The following ARNT2 variants were observed in gnomAD, a reference collection of about 807,000 sequenced individuals.
ARNT2 encodes the protein aryl hydrocarbon receptor nuclear translocator 2, also known as ARNT protein 2.
ARNT2 carries 36 observed loss-of-function variants against 91.7 expected under a neutral mutation model. The ratio of observed to expected loss-of-function variants is 0.39; its 90% CI spans 0.30 to 0.52. The LOEUF is 0.52. Among genes scored for constraint, ARNT2 ranks in the 20% least tolerant of loss-of-function variants. ARNT2 has a pLI of 0.72. For synonymous variants in ARNT2, 365 were observed against 347.1 expected (o/e 1.05, Z -0.57); for missense variants, 775 against 939.3 (o/e 0.83, Z 2.29).
intron 5 of ARNT2, among the ~76,000 whole-genome samples, chr15:80,486,443 T>C (rs1162463745): frequency 6.6e-6 from 1 of 152,214 alleles, no homozygotes; most frequent in African/African-American, 2.4e-5. Flanking sequence ...CCACTCACTC[T>C]AGTCCTTTAC....
rs564720406 is a variant in ARNT2, at chr15:80,454,088, G to T, written c.146+3094G>T. ...AGCCTTCATCAGTAAGTGTCTTAGC[G>T]AGCTGCCTGCTCTCCCAGCATTTGG... On this transcript the variant is annotated intron_variant, in intron 2 of 18. Transcript: ENST00000303329. Among the ~76,000 whole-genome samples the T allele has an allele frequency of 3.3e-5, 5 of 152,322 alleles. No individual in the cohort carries two copies. The South Asian group carries it at 8.3e-4, about 25-fold the overall frequency.
chr15:80,587,394 C>G (rs1362556766), intron 17 of ARNT2, among the ~76,000 whole-genome samples: 1 of 151,722 alleles, frequency 6.6e-6, no homozygotes, highest in Non-Finnish European at 1.5e-5. Flanking sequence ...TCAAATGTCC[C>G]CCTTGGTTTG....
intron 5 of ARNT2, among the ~76,000 whole-genome samples, chr15:80,486,714 G>A (rs957220504): frequency 2.0e-5 from 3 of 152,196 alleles, no homozygotes; most frequent in African/African-American, 7.2e-5. Context: ...TGCAGAATGT[G>A]CTCATTGTGC....
chr15:80,407,953 A>G (rs1478992947), intron 1 of ARNT2, among the ~76,000 whole-genome samples: 1 of 152,232 alleles, frequency 6.6e-6, no homozygotes, highest in African/African-American at 2.4e-5. Flanking sequence ...ATTAAGCATT[A>G]TGTGGACATT....
At chr15:80,473,007 C>T (rs1896753462) in intron 4 of ARNT2, among the ~76,000 whole-genome samples, 1 of 152,158 alleles carries the variant, frequency 6.6e-6, no homozygotes, top group Non-Finnish European at 1.5e-5. Context: ...CTTTGTTCCT[C>T]TCTCAGCTGC....
At chr15:80,465,878 T>G (rs1311920897) in intron 3 of ARNT2, among the ~76,000 whole-genome samples, 1 of 152,212 alleles carries the variant, frequency 6.6e-6, no homozygotes, top group Non-Finnish European at 1.5e-5. Flanking sequence ...CATCCTCTTC[T>G]GACCTTTTAG....
chr15:80,546,584 A>C (rs148346052), intron 8 of ARNT2, among the ~76,000 whole-genome samples: 9 of 152,236 alleles, frequency 5.9e-5, no homozygotes, highest in African/African-American at 2.2e-4. Flanking sequence ...AGACATTTTC[A>C]GTAGGTAAGT....
intron 8 of ARNT2, among the ~76,000 whole-genome samples, chr15:80,539,999 A>G (rs568653657): frequency 1.6e-4 from 25 of 152,256 alleles, no homozygotes; most frequent in African/African-American, 6.0e-4. Context: ...GAAAACTACA[A>G]ATAGAACTAC....
intron 5 of ARNT2, chr15:80,487,766 A>G (rs1595983516): frequency 2.0e-5 from 3 of 152,354 alleles, no homozygotes; most frequent in Admixed American, 2.0e-4. Flanking sequence ...GTTCATGGCA[A>G]CAACTTCTTA....
chr15:80,442,302 A>G (rs1466853717), intron 1 of ARNT2, among the ~76,000 whole-genome samples: 1 of 152,204 alleles, frequency 6.6e-6, no homozygotes, highest in East Asian at 1.9e-4. Flanking sequence ...AGGTTAGCAT[A>G]GGGGTGGTGT....
chr15:80,415,547 C>T (rs1486589440), intron 1 of ARNT2, among the ~76,000 whole-genome samples: 4 of 152,092 alleles, frequency 2.6e-5, no homozygotes, highest in South Asian at 2.1e-4. Context: ...TCTCTGGCTG[C>T]GGAATGAAGG....
chr15:80,537,882 G>C (rs1038599804), intron 8 of ARNT2, among the ~76,000 whole-genome samples: 1 of 152,144 alleles, frequency 6.6e-6, no homozygotes, highest in Non-Finnish European at 1.5e-5. Context: ...GGGTCTTTTT[G>C]CATATAGTTA....
At chr15:80,498,093 G>A (rs1443417973) in intron 5 of ARNT2, among the ~76,000 whole-genome samples, 3 of 152,182 alleles carry the variant, frequency 2.0e-5, no homozygotes, top group Non-Finnish European at 4.4e-5. Flanking sequence ...TTCTTTGGAA[G>A]AATGGAGCTT....
chr15:80,566,389 C>T (rs1480127445), intron 12 of ARNT2, among the ~76,000 whole-genome samples: 1 of 152,190 alleles, frequency 6.6e-6, no homozygotes, highest in Non-Finnish European at 1.5e-5. Flanking sequence ...CTAGCAGAGG[C>T]AAAGCCTCCT....
At chr15:80,568,365 A>G (rs1898523942) in intron 12 of ARNT2, among the ~76,000 whole-genome samples, 1 of 152,188 alleles carries the variant, frequency 6.6e-6, no homozygotes, top group Non-Finnish European at 1.5e-5. Flanking sequence ...GTGTCTGTTC[A>G]GGCCAAGTCC....
chr15:80,445,876 G>A (rs1398948422), intron 1 of ARNT2, among the ~76,000 whole-genome samples: 1 of 152,062 alleles, frequency 6.6e-6, no homozygotes, highest in East Asian at 1.9e-4. Context: ...GGAGTCCAGA[G>A]GGCCTTCTGC....
At chr15:80,457,817 A>C in intron 2 of ARNT2, 112 bp from the exon 3 acceptor site, 1 of 1,145,932 alleles carries the variant, frequency 8.7e-7, no homozygotes, top group South Asian at 1.4e-5. Flanking sequence ...AAAGGTTGGG[A>C]TCAATGGATA....
At chr15:80,469,276 G>A (rs1293951121) in intron 3 of ARNT2, among the ~76,000 whole-genome samples, 1 of 152,088 alleles carries the variant, frequency 6.6e-6, no homozygotes. Flanking sequence ...ATTGCATTCA[G>A]TAATTCCTTT....
At chr15:80,491,640 T>C in intron 5 of ARNT2, among the ~76,000 whole-genome samples, 1 of 152,076 alleles carries the variant, frequency 6.6e-6, no homozygotes, top group African/African-American at 2.4e-5. Context: ...ATGATCCAAT[T>C]TGCATTTTTA....
Sources: allele counts gnomAD v4.1 joint callset (sites outside exome capture counted in the v4.1 genomes callset), GRCh38; gene constraint gnomAD v4.1.1; transcripts MANE v1.5; gene names NCBI Gene and HGNC (gene_info 2026-07-23, HGNC 2026-07-21).